REG4: variants seen among roughly 807,000 people sequenced by gnomAD.
REG4 encodes regenerating islet-derived protein 4.
In REG4, 16 loss-of-function variants were observed where a neutral mutation model predicts 22.3. The observed-to-expected ratio is 0.72, with a 90% confidence interval of 0.49 to 1.09. The LOEUF is 1.09. Among genes scored for constraint, REG4 ranks in the 50% least tolerant of loss-of-function variants. The probability of loss-of-function intolerance (pLI) is 0.00; values close to 1 mark genes in which losing one functional copy is unlikely to be tolerated. For missense variants in REG4, 214 were observed against 193.9 expected, an observed-to-expected ratio of 1.10 and a Z score of -0.61; for synonymous variants, 71 against 69.2, an observed-to-expected ratio of 1.03 and a Z score of -0.13.
intron 2 of REG4, among the ~76,000 whole-genome samples, chr1:119,806,231 C>T (rs748733542): frequency 8.5e-5 from 13 of 152,294 alleles, no homozygotes; most frequent in East Asian, 1.9e-4. Context: ...CCTGAGCCAC[C>T]GCACCCGGCT....
chr1:119,800,243 T>C (rs1654057255), intron 3 of REG4, among the ~76,000 whole-genome samples: 2 of 152,222 alleles, frequency 1.3e-5, no homozygotes, highest in South Asian at 4.1e-4. Flanking sequence ...ATTATAGTAC[T>C]GCATTTCAAC....
At chr1:119,804,350 T>C (rs1196377812) in intron 2 of REG4, among the ~76,000 whole-genome samples, 1 of 152,196 alleles carries the variant, frequency 6.6e-6, no homozygotes, top group Non-Finnish European at 1.5e-5. Context: ...TCGTCTAGCA[T>C]GTAAGAGATT....
chr1:119,802,741 G>A (rs1036619505), intron 3 of REG4: 2 of 1,445,444 alleles, frequency 1.4e-6, no homozygotes, highest in Non-Finnish European at 1.8e-6. Flanking sequence ...TCCTTTCTGT[G>A]AATTCCTCAT....
chr1:119,798,198 G>A (rs1354171569), intron 5 of REG4, among the ~76,000 whole-genome samples: 2 of 152,152 alleles, frequency 1.3e-5, no homozygotes, highest in Non-Finnish European at 1.5e-5. Context: ...CCCTCTCATG[G>A]TATAGAATGT....
At chr1:119,796,352 C>T (rs80082052) in intron 5 of REG4, among the ~76,000 whole-genome samples, 2,261 of 152,236 alleles carry the variant, frequency 0.015, 71 homozygotes, top group African/African-American at 0.051. Context: ...ACCAGCAAAA[C>T]ATCAGGAAAC....
At position 119,794,318 on chromosome 1, in the gene REG4, C is replaced by A. The variant is rs56822273; in HGVS notation, c.*300G>T. 1.1e-3 allele frequency: 687 copies of A among 603,124 alleles called. 3 individuals are homozygous for A. The African/African-American group carries it at 0.011, about 10-fold the overall frequency. 37.4% of individuals were successfully genotyped at this position (603,124 alleles called of 1,614,324 possible). A position where few individuals can be genotyped will look rare whatever the true frequency, so the allele number is the denominator to read the frequency against. ...ATCTTTACTTCTTATGGCCAAAGAC[C>A]CAGCTGTTTCATAGGCTGGAGATGC... On this transcript the variant is annotated 3_prime_UTR_variant, in exon 6 of 6. Transcript: ENST00000256585.
intron 1 of REG4, among the ~76,000 whole-genome samples, chr1:119,810,218 G>A (rs906811599): frequency 6.6e-6 from 1 of 151,862 alleles, no homozygotes; most frequent in Non-Finnish European, 1.5e-5. Context: ...TGTCACATAA[G>A]GTTAAAATAT....
intron 5 of REG4, among the ~76,000 whole-genome samples, chr1:119,795,673 G>A (rs1441605762): frequency 6.6e-6 from 1 of 152,196 alleles, no homozygotes; most frequent in Non-Finnish European, 1.5e-5. Context: ...GAACCCTGGG[G>A]AGAGGAGGGG....
At chr1:119,795,556 C>G (rs1398546532) in intron 5 of REG4, among the ~76,000 whole-genome samples, 1 of 152,250 alleles carries the variant, frequency 6.6e-6, no homozygotes, top group Non-Finnish European at 1.5e-5. Flanking sequence ...CATCACTTGT[C>G]TTCCATGGGT....
At position 119,805,592 on chromosome 1, in the gene REG4, CTTCTCTTTCTCCCCT is replaced by C. The variant is rs368148463; in HGVS notation, c.68-2442_68-2428del. Among the ~76,000 whole-genome samples the C allele has an allele frequency of 1.9e-3, 294 of 152,182 alleles. 4 individuals carry two copies. The highest frequency in any genetic ancestry group is 6.8e-3 in the African/African-American group (281 of 41,532). The stretch of plus-strand genomic sequence containing the variant: ...AGCCCAGACAATCATGACTCTCTCT[CTTCTCTTTCTCCCCT>C]TTCTCTGTCTCTCTTTGTGTTTCTC... On this transcript the variant is annotated intron_variant, in intron 2 of 5. Coordinates refer to ENST00000256585, the MANE Select transcript of REG4 (RefSeq NM_032044.4).
At chr1:119,798,476 G>A (rs762107044) in intron 5 of REG4, 21 bp downstream of exon 5, 1 of 1,581,616 alleles carries the variant, frequency 6.3e-7, no homozygotes, top group Admixed American at 1.7e-5. Flanking sequence ...AAGTGGTGAG[G>A]GGTGGTGCAT....
At chr1:119,804,263 C>T (rs1654219640) in intron 2 of REG4, among the ~76,000 whole-genome samples, 1 of 152,158 alleles carries the variant, frequency 6.6e-6, no homozygotes, top group Non-Finnish European at 1.5e-5. Context: ...GCTTGTTTGC[C>T]CCACTCTTCT....
chr1:119,799,593 C>T, intron 4 of REG4, 132 bp downstream of exon 4: 1 of 1,197,790 alleles, frequency 8.3e-7, no homozygotes. Flanking sequence ...ACTTTGGTCT[C>T]CGTCAGCTGG....
chr1:119,799,654 G>T (rs56123124), intron 4 of REG4, 71 bp downstream of exon 4: 1,028 of 1,571,846 alleles, frequency 6.5e-4, no homozygotes, highest in Non-Finnish European at 7.9e-4. Flanking sequence ...TAGGCCGGGA[G>T]GCCATTCCCC....
chr1:119,804,260 T>A (rs929235289), intron 2 of REG4, among the ~76,000 whole-genome samples: 1 of 152,210 alleles, frequency 6.6e-6, no homozygotes, highest in Non-Finnish European at 1.5e-5. Flanking sequence ...GTCGCTTGTT[T>A]GCCCCACTCT....
At chr1:119,804,608 T>C (rs1486513352) in intron 2 of REG4, among the ~76,000 whole-genome samples, 1 of 152,230 alleles carries the variant, frequency 6.6e-6, no homozygotes, top group Non-Finnish European at 1.5e-5. Flanking sequence ...TTCTACTACA[T>C]TCATAAACAT....
chr1:119,798,415 CT>C (rs1653994581), intron 5 of REG4, 81 bp downstream of exon 5: 3 of 1,070,356 alleles, frequency 2.8e-6, no homozygotes, highest in Non-Finnish European at 4.3e-6. Flanking sequence ...CAGTGGTCCC[CT>C]GTGCCTATTT....
intron 1 of REG4, among the ~76,000 whole-genome samples, chr1:119,809,742 C>T (rs1654437746): frequency 6.6e-6 from 1 of 152,122 alleles, no homozygotes; most frequent in African/African-American, 2.4e-5. Context: ...TGCACATTGT[C>T]ATTTTAATAC....
At chr1:119,802,773 A>C in intron 3 of REG4, 1 of 1,460,380 alleles carries the variant, frequency 6.8e-7, no homozygotes, top group South Asian at 1.5e-5. Flanking sequence ...CCTTTGATTG[A>C]TGTATTTCTG....
Sources: allele counts gnomAD v4.1 joint callset (sites outside exome capture counted in the v4.1 genomes callset), GRCh38; gene constraint gnomAD v4.1.1; transcripts MANE v1.5; gene names NCBI Gene and HGNC (gene_info 2026-07-23, HGNC 2026-07-21).